The following PLS1 variants were observed in gnomAD, a reference collection of about 807,000 sequenced individuals.
PLS1 encodes the protein plastin 1, also known as plastin-1.
Under a neutral mutation model 73.7 loss-of-function variants are expected in PLS1, and 32 were observed. That is an observed-to-expected ratio of 0.43 (90% CI 0.33 to 0.58). PLS1 has a LOEUF of 0.58. PLS1 is among the 20% of genes least tolerant of loss of function. The pLI is 0.04. For synonymous variants in PLS1, 217 were observed against 261.3 expected, an observed-to-expected ratio of 0.83 and a Z score of 1.63; for missense variants, 633 against 740.5, an observed-to-expected ratio of 0.85 and a Z score of 1.68.
At chr3:142,707,921 A>G (rs1560079775) in intron 14 of PLS1, among the ~76,000 whole-genome samples, 1 of 152,210 alleles carries the variant, frequency 6.6e-6, no homozygotes, top group Non-Finnish European at 1.5e-5. Flanking sequence ...TGAATAAAAC[A>G]GAGCTTACTT....
At chr3:142,607,161 T>C (rs1037197583) in intron 1 of PLS1, among the ~76,000 whole-genome samples, 2 of 151,334 alleles carry the variant, frequency 1.3e-5, no homozygotes, top group African/African-American at 4.9e-5. Flanking sequence ...TGTAGTGACT[T>C]AAAAAAAAAC....
intron 1 of PLS1, among the ~76,000 whole-genome samples, chr3:142,639,252 G>A (rs2036777833): frequency 6.6e-6 from 1 of 152,116 alleles, no homozygotes; most frequent in Non-Finnish European, 1.5e-5. Context: ...TCTTAAACCA[G>A]CTTCTGCTGA....
At chr3:142,709,040 T>C (rs1024046624) in intron 14 of PLS1, among the ~76,000 whole-genome samples, 2 of 152,200 alleles carry the variant, frequency 1.3e-5, no homozygotes, top group Non-Finnish European at 2.9e-5. Flanking sequence ...TATAGCACAA[T>C]TAAATAAGTC....
At chr3:142,695,987 T>G (rs1334043623) in intron 11 of PLS1, among the ~76,000 whole-genome samples, 1 of 151,986 alleles carries the variant, frequency 6.6e-6, no homozygotes, top group Non-Finnish European at 1.5e-5. Flanking sequence ...AGAGATGGGG[T>G]TTCTCCATGT....
At chr3:142,618,360 G>T (rs2036251961) in intron 1 of PLS1, among the ~76,000 whole-genome samples, 1 of 152,140 alleles carries the variant, frequency 6.6e-6, no homozygotes, top group Admixed American at 6.6e-5. Context: ...AAAACTATCT[G>T]AGCCTGTATT....
At chr3:142,710,592 A>G (rs28571594) in intron 14 of PLS1, among the ~76,000 whole-genome samples, 75,650 of 151,910 alleles carry the variant, frequency 0.5, 20,443 homozygotes, top group African/African-American at 0.72. Flanking sequence ...TCCTGGAACT[A>G]TGAATGTCAG....
At chr3:142,686,505 A>G in intron 9 of PLS1, 129 bp downstream of exon 9, 1 of 645,978 alleles carries the variant, frequency 1.5e-6, no homozygotes, top group South Asian at 1.9e-5. Flanking sequence ...AGCTATCACC[A>G]TTATCCATCT....
At position 142,655,874 on chromosome 3, in the gene PLS1, ATTATT is replaced by A. The variant is rs373938694; in HGVS notation, c.-36-8323_-36-8319del. Among the ~76,000 whole-genome samples the A allele has an allele frequency of 1.4e-4, 21 of 152,296 alleles. No individual in the cohort carries two copies. The East Asian group carries it at 1.7e-3, about 13-fold the overall frequency. ...CTAGGATTGTCTAAGCATGTGGGAAATTATTTTATGTGTTTGAAAATAAAATTGTC... is the reference window on the plus strand; with the variant it reads ...CTAGGATTGTCTAAGCATGTGGGAAATTATGTGTTTGAAAATAAAATTGTC... On this transcript the variant is annotated intron_variant, in intron 1 of 15. Transcript: ENST00000457734.
intron 10 of PLS1, among the ~76,000 whole-genome samples, chr3:142,690,815 CT>C (rs1427133401): frequency 6.6e-6 from 1 of 152,154 alleles, no homozygotes; most frequent in Non-Finnish European, 1.5e-5. Context: ...CCCAGCCTTT[CT>C]TTTTTTCCCA....
chr3:142,664,555 T>G (rs921052903), intron 2 of PLS1, among the ~76,000 whole-genome samples: 1 of 152,182 alleles, frequency 6.6e-6, no homozygotes, highest in African/African-American at 2.4e-5. Context: ...GGTTAATGAA[T>G]GACAATGTAA....
intron 1 of PLS1, among the ~76,000 whole-genome samples, chr3:142,628,966 C>A (rs1263568952): frequency 4.6e-5 from 7 of 152,064 alleles, no homozygotes. Flanking sequence ...TATGGCAGGT[C>A]CAGAGGGGAA....
chr3:142,637,934 C>T (rs990952790), intron 1 of PLS1, among the ~76,000 whole-genome samples: 4 of 150,844 alleles, frequency 2.7e-5, no homozygotes, highest in African/African-American at 9.8e-5. Context: ...ATTCTTTATT[C>T]CTCTACTCAT....
intron 4 of PLS1, among the ~76,000 whole-genome samples, chr3:142,675,868 G>T (rs926678542): frequency 6.6e-6 from 1 of 151,560 alleles, no homozygotes; most frequent in Non-Finnish European, 1.5e-5. Context: ...AGAGACGGGG[G>T]TTTCTCCATG....
rs1219578941 is a variant in PLS1 at position 142,610,186 on chromosome 3, T to C, written c.-37+13677T>C. ...TGCCAGGTACTCTAAGTGTTTTATA[T>C]GAATTACGTTAATTTAGATTGGGCA... On this transcript the variant is annotated intron_variant, in intron 1 of 15. Transcript: ENST00000457734. Among the ~76,000 whole-genome samples the C allele has an allele frequency of 2.0e-5, 3 of 152,340 alleles. No homozygotes were observed. The East Asian group carries it at 5.8e-4, about 29-fold the overall frequency.
At chr3:142,619,544 A>T (rs1247438878) in intron 1 of PLS1, 2 of 152,242 alleles carry the variant, frequency 1.3e-5, no homozygotes, top group Non-Finnish European at 1.5e-5. Context: ...GTCATCTGCC[A>T]GATTTCCAAA....
chr3:142,685,436 G>C (rs762824955), intron 8 of PLS1, among the ~76,000 whole-genome samples: 1 of 152,142 alleles, frequency 6.6e-6, no homozygotes, highest in Non-Finnish European at 1.5e-5. Context: ...GTGGGTTGAT[G>C]CATCTTGGCT....
In PLS1 at chr3:142,667,139, G is replaced by A. The variant is rs150196182; in HGVS notation, c.71-2251G>A. ...GTTGTAAGAATTTCATGAGATGGCCGGGTGCGGTGGCTCACGCCTGTAATC... is the reference window on the plus strand; with the variant it reads ...GTTGTAAGAATTTCATGAGATGGCCAGGTGCGGTGGCTCACGCCTGTAATC... On this transcript the variant is annotated intron_variant, in intron 2 of 15. Coordinates refer to ENST00000457734, the MANE Select transcript of PLS1 (RefSeq NM_001145319.2). Among the ~76,000 whole-genome samples the A allele has an allele frequency of 6.2e-3, 946 of 152,288 alleles. 4 individuals are homozygous for A. Among genetic ancestry groups the A allele is most frequent in the Non-Finnish European group, 9.5e-3 (645 of 68,022 alleles).
intron 1 of PLS1, among the ~76,000 whole-genome samples, chr3:142,641,721 T>C (rs183395003): frequency 3.6e-4 from 55 of 152,234 alleles, no homozygotes; most frequent in Non-Finnish European, 6.3e-4. Context: ...ACTTCTGCTT[T>C]TGCCTTTGTG....
intron 12 of PLS1, among the ~76,000 whole-genome samples, chr3:142,698,861 G>A (rs1436044507): frequency 6.6e-6 from 1 of 152,088 alleles, no homozygotes; most frequent in Non-Finnish European, 1.5e-5. Context: ...AAGACACAAA[G>A]TTGGGTGGCA....
Sources: gnomAD v4.1 joint callset for allele counts (sites outside exome capture counted in the v4.1 genomes callset) on GRCh38, gnomAD v4.1.1 for gene constraint, MANE v1.5 for transcripts, NCBI Gene and HGNC (gene_info 2026-07-23, HGNC 2026-07-21) for gene names.